The following LRRC4C variants were observed in gnomAD, a reference collection of about 807,000 sequenced individuals.
LRRC4C encodes the protein leucine-rich repeat-containing protein 4C.
In LRRC4C, 5 loss-of-function variants were observed where a neutral mutation model predicts 33.6. That is an observed-to-expected ratio of 0.15 (90% CI 0.08 to 0.31). The LOEUF is 0.31. Among genes scored for constraint, LRRC4C ranks in the 10% least tolerant of loss-of-function variants. The pLI is 1.00. For synonymous variants in LRRC4C, 329 were observed against 302.0 expected (o/e 1.09, Z -0.93); for missense variants, 560 against 796.7 (o/e 0.70, Z 3.58).
chr11:40,195,695 TTTGTATGGCAAATAAAAAAA>T (rs1480500043), intron 5 of LRRC4C, among the ~76,000 whole-genome samples: 2 of 151,926 alleles, frequency 1.3e-5, no homozygotes, highest in Non-Finnish European at 2.9e-5. Flanking sequence ...TATGTAAAGA[TTTGTATGGCAAATAAAAAAA>T]TTGTATGGCA....
chr11:41,087,200 T>C (rs1012160508), intron 1 of LRRC4C, among the ~76,000 whole-genome samples: 1 of 152,148 alleles, frequency 6.6e-6, no homozygotes, highest in Non-Finnish European at 1.5e-5. Context: ...ATCAGTCTCG[T>C]TTTTCCATTT....
chr11:40,961,941 T>C (rs1412575070), intron 1 of LRRC4C, among the ~76,000 whole-genome samples: 1 of 151,556 alleles, frequency 6.6e-6, no homozygotes, highest in Non-Finnish European at 1.5e-5. Context: ...TTTTTGGAAA[T>C]ATATTTTTAT....
In LRRC4C at chr11:40,441,817, T is replaced by C. The variant is rs542556145; in HGVS notation, c.-269-122096A>G. ...AGAAATGGAAAGTGTTGGGTAAAAG[T>C]AATGGTAGATCAAGTTTCTTTAAAA... On this transcript the variant is annotated intron_variant, in intron 3 of 6. Coordinates refer to ENST00000528697, the MANE Select transcript of LRRC4C (RefSeq NM_001258419.2). 5.9e-5 allele frequency among the ~76,000 whole-genome samples: 9 copies of C among 152,214 alleles called. No homozygotes were observed. The East Asian group carries it at 1.7e-3, about 29-fold the overall frequency.
intron 1 of LRRC4C, among the ~76,000 whole-genome samples, chr11:41,329,779 T>C (rs1437993336): frequency 1.3e-5 from 2 of 152,212 alleles, no homozygotes; most frequent in Non-Finnish European, 2.9e-5. Flanking sequence ...GTCATAGTGA[T>C]GGCAGACTCT....
intron 1 of LRRC4C, among the ~76,000 whole-genome samples, chr11:41,003,793 C>A (rs1854548530): frequency 6.6e-6 from 1 of 151,878 alleles, no homozygotes; most frequent in Non-Finnish European, 1.5e-5. Flanking sequence ...CATTTCCTTT[C>A]TTTTGCTGAA....
At chr11:40,410,530 A>G (rs1014212454) in intron 3 of LRRC4C, among the ~76,000 whole-genome samples, 1 of 152,058 alleles carries the variant, frequency 6.6e-6, no homozygotes, top group African/African-American at 2.4e-5. Flanking sequence ...GTCACTATAT[A>G]GCACCTTTAT....
At chr11:40,786,627 G>C (rs1950419779) in intron 2 of LRRC4C, among the ~76,000 whole-genome samples, 1 of 152,054 alleles carries the variant, frequency 6.6e-6, no homozygotes, top group Non-Finnish European at 1.5e-5. Context: ...TAAAAGACTT[G>C]GCCAAACATA....
chr11:40,530,966 A>G (rs1301998425), intron 3 of LRRC4C, among the ~76,000 whole-genome samples: 1 of 152,090 alleles, frequency 6.6e-6, no homozygotes, highest in African/African-American at 2.4e-5. Flanking sequence ...TGTTATTCCT[A>G]AAATGGAGTT....
At chr11:40,230,239 G>A (rs1034367925) in intron 5 of LRRC4C, among the ~76,000 whole-genome samples, 2 of 152,190 alleles carry the variant, frequency 1.3e-5, no homozygotes, top group African/African-American at 4.8e-5. Context: ...TTAAAGAGAA[G>A]AAACATTTTC....
chr11:41,331,359 G>T (rs982180499), intron 1 of LRRC4C, among the ~76,000 whole-genome samples: 6 of 152,144 alleles, frequency 3.9e-5, no homozygotes, highest in African/African-American at 1.4e-4. Flanking sequence ...CTACTCAGAA[G>T]TTATTGATTA....
At chr11:40,162,572 C>A (rs939900346) in intron 5 of LRRC4C, among the ~76,000 whole-genome samples, 14 of 152,092 alleles carry the variant, frequency 9.2e-5, no homozygotes, top group Non-Finnish European at 1.0e-4. Context: ...TCTCCACCTC[C>A]CCGTTAGATG....
intron 3 of LRRC4C, among the ~76,000 whole-genome samples, chr11:40,546,835 G>C (rs764024655): frequency 6.6e-6 from 1 of 152,076 alleles, no homozygotes; most frequent in Non-Finnish European, 1.5e-5. Context: ...CAGAGATTTT[G>C]AAAGTCAGAG....
At chr11:40,671,680 GTA>G (rs1224555917) in intron 2 of LRRC4C, among the ~76,000 whole-genome samples, 1 of 38,572 alleles carries the variant, frequency 2.6e-5, no homozygotes, top group Admixed American at 3.4e-4. Flanking sequence ...TGTGTGTGTA[GTA>G]TATATATATG....
chr11:41,026,385 T>G (rs1467619481), intron 1 of LRRC4C, among the ~76,000 whole-genome samples: 1 of 151,596 alleles, frequency 6.6e-6, no homozygotes, highest in Non-Finnish European at 1.5e-5. Flanking sequence ...AAGTGGTGCC[T>G]GAAAATACAA....
chr11:41,139,133 G>A (rs1036497030), intron 1 of LRRC4C, among the ~76,000 whole-genome samples: 1 of 151,992 alleles, frequency 6.6e-6, no homozygotes, highest in Non-Finnish European at 1.5e-5. Flanking sequence ...TTATCTAGTT[G>A]AATACTTAAT....
intron 1 of LRRC4C, among the ~76,000 whole-genome samples, chr11:41,448,422 C>T (rs1955910016): frequency 6.6e-6 from 1 of 150,540 alleles, no homozygotes; most frequent in Admixed American, 6.7e-5. Context: ...TCTCCTGCCT[C>T]AGCCTCCTGA....
intron 5 of LRRC4C, among the ~76,000 whole-genome samples, chr11:40,217,789 A>C (rs948365880): frequency 1.3e-5 from 2 of 152,132 alleles, no homozygotes; most frequent in African/African-American, 4.8e-5. Flanking sequence ...GTTAGTAAGG[A>C]CTATTTACAA....
Position 40,296,244 on chromosome 11 carries a change from C to T in LRRC4C, c.-176+23384G>A, listed in dbSNP as rs1482387546. Among the ~76,000 whole-genome samples the T allele has an allele frequency of 2.6e-5, 4 of 152,294 alleles. 1 individual carries two copies. The highest frequency in any genetic ancestry group is 6.8e-3 in the Middle Eastern group (2 of 294). On this transcript the variant is annotated intron_variant, in intron 4 of 6. Transcript: ENST00000528697. Reference sequence around the variant, plus strand: ...ACAGTATCTTTACCCACATCATTGACTCATTCACACTATATGACCTTGAAT... The same window carrying T: ...ACAGTATCTTTACCCACATCATTGATTCATTCACACTATATGACCTTGAAT...
intron 2 of LRRC4C, among the ~76,000 whole-genome samples, chr11:40,795,500 A>G (rs1950788440): frequency 6.6e-6 from 1 of 152,224 alleles, no homozygotes; most frequent in Non-Finnish European, 1.5e-5. Context: ...ACTGCACTCC[A>G]GCCTGGGCGA....
Sources: gnomAD v4.1 joint callset for allele counts (sites outside exome capture counted in the v4.1 genomes callset) on GRCh38, gnomAD v4.1.1 for gene constraint, MANE v1.5 for transcripts, NCBI Gene and HGNC (gene_info 2026-07-23, HGNC 2026-07-21) for gene names.